Variants in ANPEP observed in about 807,000 individuals in gnomAD.
The protein encoded by ANPEP is aminopeptidase N.
ANPEP carries 70 observed loss-of-function variants against 114.6 expected under a neutral mutation model. That is an observed-to-expected ratio of 0.61 (90% CI 0.50 to 0.75). ANPEP has a LOEUF of 0.75. Ranked by LOEUF, ANPEP falls within the 30% of genes least tolerant of loss-of-function variation. ANPEP has a pLI of 0.00. For synonymous variants in ANPEP, 548 were observed against 522.3 expected (o/e 1.05, Z -0.67); for missense variants, 1,184 against 1,259.5 (o/e 0.94, Z 0.91).
rs571826772 is a variant in ANPEP at position 89,801,022 on chromosome 15, T to C, written c.1819+89A>G. On this transcript the variant is annotated intron_variant, in intron 12 of 20. Transcript: ENST00000300060. ...AAAGAAGTCAAGTCCATTTGTTGAA[T>C]GGAATGGCCCATCACAGCCCTCAGA... 1.5e-3 allele frequency: 1,702 copies of C among 1,139,624 alleles called. 9 individuals carry two copies. Among genetic ancestry groups the C allele is most frequent in the Non-Finnish European group, 1.8e-3 (1,413 of 777,980 alleles). The allele number at this position is 1,139,624 out of a possible 1,614,324, so 70.6% of individuals were successfully genotyped here.
chr15:89,785,622 T>G (rs1266718227), intron 20 of ANPEP, 121 bp from the exon 21 acceptor site: 1 of 1,383,120 alleles, frequency 7.2e-7, no homozygotes, highest in African/African-American at 1.4e-5. Flanking sequence ...GACCACACCC[T>G]GTTCCAGGGA....
At chr15:89,801,358 CAG>C (rs1894585732) in intron 11 of ANPEP, 75 bp downstream of exon 11, 1 of 1,576,580 alleles carries the variant, frequency 6.3e-7, no homozygotes, top group African/African-American at 1.3e-5. Flanking sequence ...CACAGGAGGC[CAG>C]TCCTACTATG....
At chr15:89,809,022 C>T (rs1048279708) in intron 1 of ANPEP, among the ~76,000 whole-genome samples, 2 of 152,120 alleles carry the variant, frequency 1.3e-5, no homozygotes, top group African/African-American at 4.8e-5. Context: ...GATGGACCTC[C>T]CACTGCAGTG....
intron 20 of ANPEP, among the ~76,000 whole-genome samples, chr15:89,789,757 CAGAGCG>C (rs982803785): frequency 3.2e-5 from 4 of 124,046 alleles, no homozygotes; most frequent in African/African-American, 1.4e-4. Context: ...GCCTGCATGA[CAGAGCG>C]AGACTCAGTC....
chr15:89,805,500 TG>T (rs763103090), intron 2 of ANPEP, 37 bp from the exon 3 acceptor site: 29 of 1,610,840 alleles, frequency 1.8e-5, no homozygotes, highest in Middle Eastern at 1.7e-4. Context: ...GTGCCAGAGC[TG>T]GGGGTGTGGG....
chr15:89,799,028 C>G lies in ANPEP; in HGVS notation c.2009+232G>C, dbSNP rs1052333071. Among the ~76,000 whole-genome samples, 2 of 152,214 alleles carry G rather than the reference C, an allele frequency of 1.3e-5. No homozygotes were observed. The highest frequency in any genetic ancestry group is 2.4e-5 in the African/African-American group (1 of 41,454). ...GAGGATGGCTTTGGAGTTGGACAAG[C>G]CTCTGTCTGGCTGTCATGAACTACT... On this transcript the variant is annotated intron_variant, in intron 14 of 20. Transcript: ENST00000300060. This position sits in a 1 kb window ranked among gnomAD's most constrained non-coding sequence, Gnocchi z 4.2.
chr15:89,803,310 G>A lies in ANPEP; in HGVS notation c.1504-6C>T, dbSNP rs1298898010. The A allele has an allele frequency of 4.3e-6, 7 of 1,613,988 alleles. No individual in the cohort carries two copies. The highest frequency in any genetic ancestry group is 1.3e-5 in the African/African-American group (1 of 74,932). On this transcript the variant is annotated splice_polypyrimidine_tract_variant and splice_region_variant and intron_variant, in intron 9 of 20. Transcript: ENST00000300060. The surrounding 1 kb of genome is among the most constrained non-coding windows in gnomAD (Gnocchi z 4.2). ...GCAAAGGTGTGGAGGTAGGACTGTGGAAAGACGGGGCACAGTGAGAGCACA... is the reference window on the plus strand; with the variant it reads ...GCAAAGGTGTGGAGGTAGGACTGTGAAAAGACGGGGCACAGTGAGAGCACA...
At chr15:89,791,413 G>A (rs1968621491) in intron 18 of ANPEP, among the ~76,000 whole-genome samples, 2 of 128,766 alleles carry the variant, frequency 1.6e-5, no homozygotes, top group Non-Finnish European at 1.6e-5. Flanking sequence ...ACTGAGGGTG[G>A]CCCTTCTTTT....
At position 89,792,161 on chromosome 15, in the gene ANPEP, T is replaced by G. The variant is rs1968640684; in HGVS notation, c.2527A>C (p.Arg843=). ...ACSKELWILN[R]YLSYTLNPDL... is the part of the protein sequence containing the mutation. ...GTCCCACCCTGCGCCAAGACTCACC[T>G]GTTCAGGATCCACAACTCTTTGCTG... is the stretch of plus-strand genomic sequence containing the variant. Residue 843 remains arginine (R), a splice_region_variant and synonymous_variant, in exon 18 of 21, where the codon AGG becomes CGG. Coordinates refer to ENST00000300060, the MANE Select transcript of ANPEP (RefSeq NM_001150.3). 1 of 1,613,656 alleles carries G rather than the reference T, an allele frequency of 6.2e-7. No homozygotes were observed. The highest frequency in any genetic ancestry group is 2.2e-5 in the East Asian group (1 of 44,870).
chr15:89,804,652 C>T (rs1894672492), intron 4 of ANPEP, 35 bp from the exon 5 acceptor site: 2 of 1,602,664 alleles, frequency 1.2e-6, no homozygotes, highest in South Asian at 2.2e-5. Context: ...ACCAGGGGCT[C>T]CTGTTTGATC....
Position 89,803,394 on chromosome 15 carries a change from G to T in ANPEP, c.1503+48C>A. 6.2e-7 allele frequency: 1 copy of T among 1,612,826 alleles called. No individual in the cohort carries two copies. The highest frequency in any genetic ancestry group is 8.5e-7 in the Non-Finnish European group (1 of 1,179,256). ...GCAGAGGCCCGGGTCAAGGGCGAGG[G>T]GCAGAAGGAGACCCACCCTCATGGC... On this transcript the variant is annotated intron_variant, in intron 9 of 20. Coordinates refer to ENST00000300060, the MANE Select transcript of ANPEP (RefSeq NM_001150.3). The surrounding 1 kb of genome is among the most constrained non-coding windows in gnomAD (Gnocchi z 4.2).
Position 89,797,705 on chromosome 15 carries a change from A to G in ANPEP, c.2027T>C (p.Val676Ala), listed in dbSNP as rs1968757050. The change falls in exon 15 of 21, where the codon GTC becomes GCC. Residue 676 changes from valine (V) to alanine (A), a missense_variant. Physicochemically the swap from Val to Ala is moderately conservative, Grantham distance 64 (BLOSUM62 0). Coordinates refer to ENST00000300060, the MANE Select transcript of ANPEP (RefSeq NM_001150.3). ...GAGGGTGTTGTTCAGCGCCAGAGTG[A>G]CAGGGACCTTATGGGCACTGGGAAT... ...FNLASAHKVP[V>A]TLALNNTLFL... 1 of 1,614,014 alleles carries G rather than the reference A, an allele frequency of 6.2e-7. No individual in the cohort carries two copies. The highest frequency in any genetic ancestry group is 8.5e-7 in the Non-Finnish European group (1 of 1,180,026).
At chr15:89,792,424 G>T in intron 17 of ANPEP, 28 bp downstream of exon 17, 2 of 1,613,132 alleles carry the variant, frequency 1.2e-6, no homozygotes, top group Non-Finnish European at 1.7e-6. Flanking sequence ...ATGAAGACTG[G>T]CAGAGGAGGC....
chr15:89,799,367 C>T lies in ANPEP; in HGVS notation c.1954-52G>A, dbSNP rs746225448. On this transcript the variant is annotated intron_variant, in intron 13 of 20. Coordinates refer to ENST00000300060, the MANE Select transcript of ANPEP (RefSeq NM_001150.3). The surrounding 1 kb of genome is among the most constrained non-coding windows in gnomAD (Gnocchi z 4.2). ...CATGGGTTGGCTGTGGGTGGCAGGC[C>T]TTGCAGTCTGGTGCCTGTCCTGGGG... 6.2e-7 allele frequency: 1 copy of T among 1,614,122 alleles called. No individual in the cohort carries two copies. Among genetic ancestry groups the T allele is most frequent in the Non-Finnish European group, 8.5e-7 (1 of 1,179,998 alleles).
Position 89,802,870 on chromosome 15 carries a change from G to A in ANPEP, c.1569+369C>T, listed in dbSNP as rs547813769. 5.1e-5 allele frequency: 14 copies of A among 272,658 alleles called. No individual in the cohort carries two copies. In the East Asian group the frequency reaches 6.1e-4, roughly 12 times the overall value. The allele number at this position is 272,658 out of a possible 1,614,324, so 16.9% of individuals were successfully genotyped here. A position where few individuals can be genotyped will look rare whatever the true frequency, so the allele number is the denominator to read the frequency against. ...GCAGAGACATGCCCGTGGCGCCAGC[G>A]GGGGGCACAGGGCAGCCAGGAGTGG... On this transcript the variant is annotated intron_variant, in intron 10 of 20. Coordinates refer to ENST00000300060, the MANE Select transcript of ANPEP (RefSeq NM_001150.3).
At position 89,804,252 on chromosome 15, in the gene ANPEP, C is replaced by G. The variant is rs769813601; in HGVS notation, c.1179+1G>C. On this transcript the variant is annotated splice_donor_variant, in intron 6 of 20. Transcript: ENST00000300060. LOFTEE classifies it high-confidence loss of function. ...CCGCACTCCCCGAGATGGGGGTCTA[C>G]CTGGTGGGCCAGCTCATGAGCAATC... The G allele has an allele frequency of 6.2e-7, 1 of 1,614,178 alleles. No homozygotes were observed. The highest frequency in any genetic ancestry group is 2.2e-5 in the East Asian group (1 of 44,878).
intron 2 of ANPEP, 38 bp from the exon 3 acceptor site, chr15:89,805,501 G>C (rs1345604415): frequency 6.2e-7 from 1 of 1,610,624 alleles, no homozygotes; most frequent in Non-Finnish European, 8.5e-7. Flanking sequence ...TGCCAGAGCT[G>C]GGGGTGTGGG....
rs1487766343 is a variant in ANPEP, at chr15:89,799,383, T to TC, written c.1953+42_1953+43insG. The TC allele has an allele frequency of 4.3e-6, 7 of 1,614,080 alleles. No homozygotes were observed. In the Admixed American group the frequency reaches 1.2e-4, roughly 27 times the overall value. Reference sequence around the variant, plus strand: ...GTGGCAGGCCTTGCAGTCTGGTGCCTGTCCTGGGGCAGGGGGCAGGGCGAG... The same window carrying TC: ...GTGGCAGGCCTTGCAGTCTGGTGCCTCGTCCTGGGGCAGGGGGCAGGGCGAG... On this transcript the variant is annotated intron_variant, in intron 13 of 20. Coordinates refer to ENST00000300060, the MANE Select transcript of ANPEP (RefSeq NM_001150.3). The surrounding 1 kb of genome is among the most constrained non-coding windows in gnomAD (Gnocchi z 4.2).
In ANPEP at chr15:89,792,463, G is replaced by T; in HGVS notation, c.2349C>A (p.Pro783=). 6.2e-7 allele frequency: 1 copy of T among 1,614,072 alleles called. No individual in the cohort carries two copies. Among genetic ancestry groups the T allele is most frequent in the East Asian group, 2.2e-5 (1 of 44,878 alleles). Residue 783 remains proline (P), a synonymous_variant, in exon 17 of 21, where the codon CCC becomes CCA. Transcript: ENST00000300060. ...GGGGAGACACTCACGGGTTATTATTGGGGTTCTCCATCCACTGCTTGAAAA... is the reference window on the plus strand; with the variant it reads ...GGGGAGACACTCACGGGTTATTATTTGGGTTCTCCATCCACTGCTTGAAAA... The part of the protein sequence containing the change: ...SGLFKQWMEN[P]NNNPIHPNLR...
Sources: allele counts gnomAD v4.1 joint callset (sites outside exome capture counted in the v4.1 genomes callset), GRCh38; gene constraint gnomAD v4.1.1; non-coding constraint Gnocchi (gnomAD v3.1); transcripts MANE v1.5; gene names NCBI Gene and HGNC (gene_info 2026-07-23, HGNC 2026-07-21).